TMEFF1: variants seen among roughly 807,000 people sequenced by gnomAD.
TMEFF1 encodes transmembrane protein with EGF like and two follistatin like domains 1.
In TMEFF1, 20 loss-of-function variants were observed where a neutral mutation model predicts 47.5. The ratio of observed to expected loss-of-function variants is 0.42; its 90% CI spans 0.30 to 0.61. The LOEUF is 0.61. Ranked by LOEUF, TMEFF1 falls within the 20% of genes least tolerant of loss-of-function variation. The pLI is 0.19. For missense variants in TMEFF1, 411 were observed against 471.1 expected, an observed-to-expected ratio of 0.87 and a Z score of 1.18; for synonymous variants, 162 against 166.3, an observed-to-expected ratio of 0.97 and a Z score of 0.20.
intron 1 of TMEFF1, among the ~76,000 whole-genome samples, chr9:100,482,203 T>C (rs867840976): frequency 9.9e-5 from 15 of 150,770 alleles, no homozygotes; most frequent in African/African-American, 3.2e-4. Context: ...TTCTTTCTTT[T>C]CTTTTTTTTT....
rs757794627 is a variant in TMEFF1, at chr9:100,572,647, C to G, written c.1029C>G (p.Ile343Met). 3.7e-6 allele frequency: 6 copies of G among 1,611,190 alleles called. No individual in the cohort carries two copies. The East Asian group carries it at 8.9e-5, about 24-fold the overall frequency. Reference sequence around the variant, plus strand: ...TTATTGGAGCTGTACAGATTGCCATCATAGTAGCAATTGTAATGTGCATAA... The same window carrying G: ...TTATTGGAGCTGTACAGATTGCCATGATAGTAGCAATTGTAATGTGCATAA... The part of the protein sequence containing the change: ...AAIIGAVQIA[I>M]IVAIVMCITR... Residue 343 changes from isoleucine to methionine, a missense_variant, in exon 9 of 10, where the codon ATC (isoleucine) becomes ATG (methionine). Ile to Met is a conservative substitution (Grantham distance 10). Coordinates refer to ENST00000374879, the MANE Select transcript of TMEFF1 (RefSeq NM_003692.5).
chr9:100,521,963 A>AATCC (rs1259759511), intron 5 of TMEFF1, among the ~76,000 whole-genome samples: 1 of 152,182 alleles, frequency 6.6e-6, no homozygotes, highest in Non-Finnish European at 1.5e-5. Context: ...TAACCAGTTT[A>AATCC]ATCCACCTGC....
chr9:100,559,127 G>T (rs1371910479), intron 7 of TMEFF1, among the ~76,000 whole-genome samples: 2 of 152,096 alleles, frequency 1.3e-5, no homozygotes, highest in Admixed American at 1.3e-4. Context: ...GATTATTAAG[G>T]AGCTCACAGT....
At chr9:100,545,711 G>T (rs982632228) in intron 5 of TMEFF1, among the ~76,000 whole-genome samples, 1 of 152,256 alleles carries the variant, frequency 6.6e-6, no homozygotes, top group Admixed American at 6.5e-5. Flanking sequence ...GAACTTTTGT[G>T]CTTTGCTTCC....
At chr9:100,525,025 G>A (rs1200449473) in intron 5 of TMEFF1, among the ~76,000 whole-genome samples, 2 of 152,114 alleles carry the variant, frequency 1.3e-5, no homozygotes, top group Admixed American at 6.5e-5. Flanking sequence ...AGTTGGGTAC[G>A]GTAGCACTAG....
chr9:100,560,478 G>A (rs1393129172), intron 7 of TMEFF1, among the ~76,000 whole-genome samples: 1 of 152,106 alleles, frequency 6.6e-6, no homozygotes, highest in Non-Finnish European at 1.5e-5. Context: ...TAGGATTAAT[G>A]TATTGGTGCA....
chr9:100,485,866 C>G (rs1346157622), intron 1 of TMEFF1, among the ~76,000 whole-genome samples: 1 of 152,144 alleles, frequency 6.6e-6, no homozygotes, highest in Non-Finnish European at 1.5e-5. Flanking sequence ...AATTCCTTTG[C>G]TACTATTCAA....
chr9:100,530,138 G>A (rs1167071004), intron 5 of TMEFF1, among the ~76,000 whole-genome samples: 1 of 151,366 alleles, frequency 6.6e-6, no homozygotes, highest in Non-Finnish European at 1.5e-5. Flanking sequence ...ACAAGAGAAA[G>A]CAGGAAAGAT....
chr9:100,473,805 C>T lies in TMEFF1; in HGVS notation c.196+65C>T. On this transcript the variant is annotated intron_variant, in intron 1 of 9. Coordinates refer to ENST00000374879, the MANE Select transcript of TMEFF1 (RefSeq NM_003692.5). The surrounding 1 kb of genome is among the most constrained non-coding windows in gnomAD (Gnocchi z 5.4). ...TCCGTTGCCGCCTCCCTCGTGGTCCCTGCGGTCGGCCGGGCTGGGAAAGAC... is the reference window on the plus strand; with the variant it reads ...TCCGTTGCCGCCTCCCTCGTGGTCCTTGCGGTCGGCCGGGCTGGGAAAGAC... 7.2e-7 allele frequency: 1 copy of T among 1,397,864 alleles called. No homozygotes were observed. Among genetic ancestry groups the T allele is most frequent in the South Asian group, 1.6e-5 (1 of 63,350 alleles). 86.6% of individuals were successfully genotyped at this position (1,397,864 alleles called of 1,614,324 possible). A position where few individuals can be genotyped will look rare whatever the true frequency, so the allele number is the denominator to read the frequency against.
At chr9:100,515,288 T>G (rs1012124310) in intron 4 of TMEFF1, among the ~76,000 whole-genome samples, 1 of 152,186 alleles carries the variant, frequency 6.6e-6, no homozygotes, top group African/African-American at 2.4e-5. Context: ...TCATGGTAAC[T>G]GTAGTATTTC....
At chr9:100,495,573 C>A (rs1837636390) in intron 1 of TMEFF1, among the ~76,000 whole-genome samples, 1 of 152,018 alleles carries the variant, frequency 6.6e-6, no homozygotes, top group Non-Finnish European at 1.5e-5. Context: ...TCCTGTGTGT[C>A]CAAAATTCTT....
chr9:100,553,957 C>T (rs572835860), intron 7 of TMEFF1, among the ~76,000 whole-genome samples: 1 of 152,164 alleles, frequency 6.6e-6, no homozygotes, highest in East Asian at 1.9e-4. Context: ...CAGGAAGTTT[C>T]TCTGTGGTAT....
In TMEFF1 at chr9:100,518,745, A is replaced by AT. The variant is rs541782204; in HGVS notation, c.560+1983dup. ...ACAGTGTAAATGTATCTCAGTGGTT[A>AT]TTTTTTTTTAACTTTTAAATGGGCC... On this transcript the variant is annotated intron_variant, in intron 5 of 9. Coordinates refer to ENST00000374879, the MANE Select transcript of TMEFF1 (RefSeq NM_003692.5). Among the ~76,000 whole-genome samples the AT allele has an allele frequency of 1.4e-4, 21 of 151,426 alleles. No homozygotes were observed. The South Asian group carries it at 4.4e-3, about 32-fold the overall frequency.
chr9:100,492,557 A>T (rs1253924984), intron 1 of TMEFF1, among the ~76,000 whole-genome samples: 3 of 152,192 alleles, frequency 2.0e-5, no homozygotes, highest in Non-Finnish European at 4.4e-5. Context: ...AGAGAATGAC[A>T]CACTTTGGTT....
intron 1 of TMEFF1, among the ~76,000 whole-genome samples, chr9:100,491,571 T>C (rs1355284084): frequency 6.6e-6 from 1 of 152,182 alleles, no homozygotes; most frequent in Non-Finnish European, 1.5e-5. Flanking sequence ...ATGACATGGC[T>C]TTAATATGGT....
chr9:100,550,519 T>A (rs1007108013), intron 7 of TMEFF1, among the ~76,000 whole-genome samples: 13 of 152,236 alleles, frequency 8.5e-5, no homozygotes, highest in African/African-American at 3.1e-4. Flanking sequence ...TGAACCTTGT[T>A]CCTTTGCCTG....
chr9:100,558,932 T>G (rs868005323), intron 7 of TMEFF1, among the ~76,000 whole-genome samples: 11 of 152,166 alleles, frequency 7.2e-5, no homozygotes, highest in African/African-American at 2.7e-4. Context: ...TCATCTTCAT[T>G]TCTCAGATTA....
At chr9:100,532,379 T>TC (rs1227084294) in intron 5 of TMEFF1, among the ~76,000 whole-genome samples, 4 of 151,868 alleles carry the variant, frequency 2.6e-5, no homozygotes, top group African/African-American at 4.8e-5. Flanking sequence ...TACAATGAAC[T>TC]CCAACAAATT....
chr9:100,486,893 C>G (rs923468010), intron 1 of TMEFF1, among the ~76,000 whole-genome samples: 1 of 152,152 alleles, frequency 6.6e-6, no homozygotes, highest in African/African-American at 2.4e-5. Flanking sequence ...CCGCCTCAGC[C>G]TCTCAAAGTA....
Sources: gnomAD v4.1 joint callset for allele counts (sites outside exome capture counted in the v4.1 genomes callset) on GRCh38, gnomAD v4.1.1 for gene constraint, Gnocchi (gnomAD v3.1) non-coding constraint, MANE v1.5 for transcripts, NCBI Gene and HGNC (gene_info 2026-07-23, HGNC 2026-07-21) for gene names.